GPR158: variants seen among roughly 807,000 people sequenced by gnomAD.
The protein encoded by GPR158 is metabotropic glycine receptor.
GPR158 carries 30 observed loss-of-function variants against 78.2 expected under a neutral mutation model. The observed-to-expected ratio is 0.38, with a 90% CI of 0.29 to 0.52. The LOEUF is 0.52. Ranked by LOEUF, GPR158 falls within the 20% of genes least tolerant of loss-of-function variation. The probability of loss-of-function intolerance (pLI) is 0.83; values close to 1 mark genes in which losing one functional copy is unlikely to be tolerated. For synonymous variants in GPR158, 581 were observed against 591.1 expected (o/e 0.98, Z 0.25); for missense variants, 1,463 against 1,523.5 (o/e 0.96, Z 0.66).
At chr10:25,437,159 G>A (rs569416591) in intron 4 of GPR158, among the ~76,000 whole-genome samples, 3 of 152,252 alleles carry the variant, frequency 2.0e-5, no homozygotes, top group Admixed American at 6.5e-5. Flanking sequence ...AAAATCTCTT[G>A]GATATTTTTA....
At chr10:25,490,763 G>T (rs572880593) in intron 5 of GPR158, among the ~76,000 whole-genome samples, 1 of 150,246 alleles carries the variant, frequency 6.7e-6, no homozygotes, top group Non-Finnish European at 1.5e-5. Flanking sequence ...ATGTGTGCAT[G>T]TGTCTTTATA....
chr10:25,490,992 G>A (rs1835802271), intron 5 of GPR158, among the ~76,000 whole-genome samples: 1 of 146,206 alleles, frequency 6.8e-6, no homozygotes, highest in African/African-American at 2.8e-5. Context: ...ATTTGTGTTG[G>A]GGGGGTCCTA....
chr10:25,390,384 T>C (rs1383527375), intron 2 of GPR158, among the ~76,000 whole-genome samples: 3 of 152,198 alleles, frequency 2.0e-5, no homozygotes, highest in Admixed American at 6.5e-5. Flanking sequence ...AAAATGCTGA[T>C]AGTGATATAG....
Position 25,176,021 on chromosome 10 carries a change from A to G in GPR158, c.601A>G (p.Ile201Val), listed in dbSNP as rs1244157835. The stretch of plus-strand genomic sequence containing the variant: ...CCAGGCCACGCGCGAGGAGAGCCGC[A>G]TCCTGCTCCAAGACCTGTCCTCCTC... ...FLQATREESRILLQDLSSSAP... is the reference protein window; with the variant it reads ...FLQATREESRVLLQDLSSSAP... The change falls in exon 1 of 11, where the codon ATC becomes GTC. Residue 201 changes from isoleucine to valine, a missense_variant. By Grantham distance (29) the Ile-to-Val change is conservative. Transcript: ENST00000376351. This position sits in a 1 kb window ranked among gnomAD's most constrained non-coding sequence, Gnocchi z 6.3. 6.2e-7 allele frequency: 1 copy of G among 1,611,896 alleles called. No homozygotes were observed. The highest frequency in any genetic ancestry group is 8.5e-7 in the Non-Finnish European group (1 of 1,179,432).
chr10:25,360,305 T>G (rs1037002936), intron 2 of GPR158, among the ~76,000 whole-genome samples: 2 of 152,256 alleles, frequency 1.3e-5, no homozygotes, highest in Non-Finnish European at 2.9e-5. Flanking sequence ...TTTTGGTGTT[T>G]TAGTCATGAA....
intron 6 of GPR158, among the ~76,000 whole-genome samples, chr10:25,554,199 A>T (rs1277514980): frequency 6.6e-6 from 1 of 152,190 alleles, no homozygotes; most frequent in Non-Finnish European, 1.5e-5. Context: ...TTTGAATACC[A>T]TGTCTTCATT....
intron 2 of GPR158, among the ~76,000 whole-genome samples, chr10:25,386,050 A>T (rs999095053): frequency 6.6e-6 from 1 of 152,136 alleles, no homozygotes; most frequent in African/African-American, 2.4e-5. Context: ...CTAATGTCAT[A>T]AGGCTTTTCC....
chr10:25,484,421 G>T (rs1002159379), intron 5 of GPR158, among the ~76,000 whole-genome samples: 1 of 152,174 alleles, frequency 6.6e-6, no homozygotes, highest in African/African-American at 2.4e-5. Flanking sequence ...TCATTGCAGA[G>T]AATTTCCAGT....
chr10:25,192,534 G>C (rs1386906576), intron 1 of GPR158, among the ~76,000 whole-genome samples: 1 of 152,094 alleles, frequency 6.6e-6, no homozygotes, highest in African/African-American at 2.4e-5. Flanking sequence ...TGTGACACTA[G>C]AAAGTTATGT....
chr10:25,476,846 G>A (rs979357843), intron 5 of GPR158, among the ~76,000 whole-genome samples: 5 of 152,132 alleles, frequency 3.3e-5, no homozygotes, highest in South Asian at 2.1e-4. Context: ...AAAAGGCACA[G>A]AGGATGACTG....
At chr10:25,410,955 A>G (rs2130547333) in intron 3 of GPR158, among the ~76,000 whole-genome samples, 1 of 152,336 alleles carries the variant, frequency 6.6e-6, no homozygotes, top group South Asian at 2.1e-4. Flanking sequence ...TGTTAAACTG[A>G]GTATTATTAA....
chr10:25,283,909 T>C (rs144214204), intron 2 of GPR158, among the ~76,000 whole-genome samples: 1 of 151,996 alleles, frequency 6.6e-6, no homozygotes, highest in African/African-American at 2.4e-5. Context: ...TAATTTTAAG[T>C]ATTTGGGGAT....
intron 4 of GPR158, among the ~76,000 whole-genome samples, chr10:25,442,195 A>C (rs1564456789): frequency 6.8e-6 from 1 of 146,852 alleles, no homozygotes; most frequent in African/African-American, 2.7e-5. Flanking sequence ...CAAGAACAGA[A>C]AGGAGTTTTA....
chr10:25,439,777 A>G (rs535776523), intron 4 of GPR158, among the ~76,000 whole-genome samples: 61 of 152,222 alleles, frequency 4.0e-4, no homozygotes, highest in Non-Finnish European at 8.1e-4. Context: ...GCAAAATCCT[A>G]TTGGAATTTT....
intron 4 of GPR158, among the ~76,000 whole-genome samples, chr10:25,451,126 A>G (rs994941444): frequency 8.5e-5 from 13 of 152,308 alleles, no homozygotes; most frequent in African/African-American, 3.1e-4. Context: ...TCTTGTGCAT[A>G]TATTTTTGTG....
chr10:25,330,968 T>G (rs2130491954), intron 2 of GPR158, among the ~76,000 whole-genome samples: 1 of 152,292 alleles, frequency 6.6e-6, no homozygotes, highest in East Asian at 1.9e-4. Flanking sequence ...GGAGAAAGGG[T>G]GTGGCTTTCT....
intron 2 of GPR158, among the ~76,000 whole-genome samples, chr10:25,372,358 G>C (rs1263314959): frequency 2.0e-5 from 3 of 151,644 alleles, no homozygotes; most frequent in Non-Finnish European, 4.4e-5. Flanking sequence ...CCATTACTGG[G>C]TATATACCCA....
Position 25,412,347 on chromosome 10 carries a change from T to C in GPR158, c.1209T>C (p.Ala403=). 1 of 1,613,558 alleles carries C rather than the reference T, an allele frequency of 6.2e-7. No individual in the cohort carries two copies. Among genetic ancestry groups the C allele is most frequent in the Admixed American group, 1.7e-5 (1 of 60,024 alleles). ...GCAGGGAGGGCTGCCCCTTCTGTGC[T>C]GATGACAGCCCATGCTTCGTCCAGG... ...LPCREGCPFC[A]DDSPCFVQED... is the part of the protein sequence containing the mutation. The change falls in exon 4 of 11, where the codon GCT becomes GCC. Residue 403 remains alanine, a synonymous_variant. Coordinates refer to ENST00000376351, the MANE Select transcript of GPR158 (RefSeq NM_020752.3).
At chr10:25,409,538 TTTTTC>T (rs1275703903) in intron 3 of GPR158, among the ~76,000 whole-genome samples, 1 of 152,188 alleles carries the variant, frequency 6.6e-6, no homozygotes, top group Non-Finnish European at 1.5e-5. Context: ...TCAAAATGTA[TTTTTC>T]TTTTCAACTG....
Sources: gnomAD v4.1 joint callset for allele counts (sites outside exome capture counted in the v4.1 genomes callset) on GRCh38, gnomAD v4.1.1 for gene constraint, Gnocchi (gnomAD v3.1) non-coding constraint, MANE v1.5 for transcripts, NCBI Gene and HGNC (gene_info 2026-07-23, HGNC 2026-07-21) for gene names.